Variants in XRCC5 observed in about 807,000 individuals in gnomAD.
XRCC5 encodes X-ray repair cross complementing 5, also known as DNA repair protein Ku80.
A neutral mutation model predicts 95.7 loss-of-function variants in XRCC5; 12 were observed. The observed-to-expected ratio is 0.13, with a 90% CI of 0.08 to 0.20. XRCC5 has a LOEUF of 0.20. Ranked by LOEUF, XRCC5 falls within the 10% of genes least tolerant of loss-of-function variation. The pLI is 1.00. For missense variants in XRCC5, 595 were observed against 873.9 expected (o/e 0.68, Z 4.02); for synonymous variants, 281 against 290.3 (o/e 0.97, Z 0.33).
At chr2:216,165,924 T>C (rs1218484513) in intron 16 of XRCC5, among the ~76,000 whole-genome samples, 1 of 152,144 alleles carries the variant, frequency 6.6e-6, no homozygotes, top group East Asian at 1.9e-4. Context: ...AGTAGGCAGC[T>C]ACACATTTTC....
At chr2:216,113,722 A>G (rs1696635096) in intron 2 of XRCC5, among the ~76,000 whole-genome samples, 1 of 152,146 alleles carries the variant, frequency 6.6e-6, no homozygotes, top group African/African-American at 2.4e-5. Context: ...CTGGAAGACG[A>G]TGCTTTCTAG....
At chr2:216,161,838 A>C in intron 15 of XRCC5, 141 bp from the exon 16 acceptor site, 2 of 700,974 alleles carry the variant, frequency 2.9e-6, no homozygotes, top group Non-Finnish European at 4.8e-6. Context: ...TAGAAATGAA[A>C]ATGAATAGAA....
chr2:216,117,454 AG>A, intron 3 of XRCC5: 2 of 380,324 alleles, frequency 5.3e-6, no homozygotes, highest in Non-Finnish European at 4.8e-6. Flanking sequence ...GTGGCCACCA[AG>A]AATGGGTTCT....
intron 6 of XRCC5, among the ~76,000 whole-genome samples, chr2:216,125,438 C>T (rs1483606932): frequency 6.6e-6 from 1 of 152,120 alleles, no homozygotes; most frequent in Non-Finnish European, 1.5e-5. Context: ...CTCAGGTGAT[C>T]CGCCTGCCTT....
intron 2 of XRCC5, among the ~76,000 whole-genome samples, chr2:216,115,731 A>G: frequency 6.6e-6 from 1 of 152,076 alleles, no homozygotes; most frequent in African/African-American, 2.4e-5. Context: ...TTCATAAAAT[A>G]GGCAAATATG....
chr2:216,171,997 C>T (rs1689173790), intron 16 of XRCC5, among the ~76,000 whole-genome samples: 1 of 152,114 alleles, frequency 6.6e-6, no homozygotes, highest in Non-Finnish European at 1.5e-5. Context: ...CCCAAAAATT[C>T]CTGGGACCTG....
At chr2:216,158,071 T>C (rs1688880294) in intron 14 of XRCC5, among the ~76,000 whole-genome samples, 1 of 152,230 alleles carries the variant, frequency 6.6e-6, no homozygotes, top group South Asian at 2.1e-4. Flanking sequence ...GAAAATTGTG[T>C]ATGTGTCTGT....
intron 19 of XRCC5, among the ~76,000 whole-genome samples, chr2:216,202,590 T>C (rs562767948): frequency 3.6e-4 from 55 of 152,344 alleles, no homozygotes; most frequent in African/African-American, 1.3e-3. Context: ...CCTCCATTGC[T>C]GGGATTTCCT....
intron 14 of XRCC5, chr2:216,156,406 TCTG>T (rs1294683205): frequency 1.2e-6 from 1 of 803,616 alleles, no homozygotes; most frequent in African/African-American, 1.7e-5. Context: ...TGGCAACAAG[TCTG>T]CTGAGATAGG....
intron 16 of XRCC5, among the ~76,000 whole-genome samples, chr2:216,176,807 T>C (rs1353445416): frequency 6.6e-6 from 1 of 152,236 alleles, no homozygotes; most frequent in Non-Finnish European, 1.5e-5. Flanking sequence ...GATGATTGAT[T>C]TGAAACCTCT....
chr2:216,180,391 C>T (rs1418545021), intron 16 of XRCC5, among the ~76,000 whole-genome samples: 1 of 152,184 alleles, frequency 6.6e-6, no homozygotes, highest in Non-Finnish European at 1.5e-5. Flanking sequence ...TTTGGGAGGC[C>T]AAGGCGGGTG....
chr2:216,156,823 A>G, intron 14 of XRCC5: 1 of 453,336 alleles, frequency 2.2e-6, no homozygotes, highest in South Asian at 1.6e-5. Flanking sequence ...TTTCAAGGTA[A>G]CAGACACCTG....
At chr2:216,169,767 C>T (rs904539987) in intron 16 of XRCC5, among the ~76,000 whole-genome samples, 17 of 151,310 alleles carry the variant, frequency 1.1e-4, no homozygotes, top group Admixed American at 7.2e-4. Context: ...TGCACCTGGC[C>T]GGGCGCAGTG....
chr2:216,151,340 C>T (rs893226154), intron 14 of XRCC5, among the ~76,000 whole-genome samples: 4 of 152,210 alleles, frequency 2.6e-5, no homozygotes, highest in Non-Finnish European at 4.4e-5. Context: ...CATGAGAATT[C>T]GGACATCTCA....
chr2:216,137,343 C>T (rs1388160138), intron 11 of XRCC5, 118 bp downstream of exon 11: 2 of 1,229,500 alleles, frequency 1.6e-6, no homozygotes, highest in Non-Finnish European at 2.2e-6. Flanking sequence ...TGCAGATCCT[C>T]ATTGTGTAGT....
At chr2:216,161,411 C>T (rs887148226) in intron 15 of XRCC5, among the ~76,000 whole-genome samples, 1 of 152,160 alleles carries the variant, frequency 6.6e-6, no homozygotes, top group African/African-American at 2.4e-5. Flanking sequence ...CTTCCTCACC[C>T]AGCACTGCAG....
At chr2:216,128,410 A>G (rs1015856416) in intron 8 of XRCC5, among the ~76,000 whole-genome samples, 7 of 152,096 alleles carry the variant, frequency 4.6e-5, no homozygotes, top group African/African-American at 1.4e-4. Context: ...CAGTGTATAT[A>G]TTTGTGTGTG....
intron 19 of XRCC5, among the ~76,000 whole-genome samples, chr2:216,198,533 T>TTTA (rs1689774710): frequency 6.8e-6 from 1 of 147,774 alleles, no homozygotes; most frequent in African/African-American, 2.5e-5. Flanking sequence ...TGAAAAATGC[T>TTTA]TTTATTTATT....
chr2:216,119,174 C>T lies in XRCC5; in HGVS notation c.491+9C>T. Reference sequence around the variant, plus strand: ...ATCTCCCTGCAATTCTTGTAAGATCCTAAGAATAATGCATGTAGACAAATC... The same window carrying T: ...ATCTCCCTGCAATTCTTGTAAGATCTTAAGAATAATGCATGTAGACAAATC... On this transcript the variant is annotated intron_variant, in intron 5 of 20. Coordinates refer to ENST00000392132, the MANE Select transcript of XRCC5 (RefSeq NM_021141.4). 2 of 1,613,582 alleles carry T rather than the reference C, an allele frequency of 1.2e-6. No homozygotes were observed. Among genetic ancestry groups the T allele is most frequent in the South Asian group, 2.2e-5 (2 of 91,042 alleles).
Sources: gnomAD v4.1 joint callset for allele counts (sites outside exome capture counted in the v4.1 genomes callset) on GRCh38, gnomAD v4.1.1 for gene constraint, MANE v1.5 for transcripts, NCBI Gene and HGNC (gene_info 2026-07-23, HGNC 2026-07-21) for gene names.